Variants in ALDH1A3 observed in about 807,000 individuals in gnomAD.
The protein encoded by ALDH1A3 is retinaldehyde dehydrogenase 3.
In ALDH1A3, 28 loss-of-function variants were observed where a neutral mutation model predicts 57.5. The observed-to-expected ratio is 0.49, with a 90% confidence interval of 0.36 to 0.67. The LOEUF (loss-of-function observed/expected upper bound fraction) is 0.67, where lower values mean the gene tolerates loss of function less well. ALDH1A3 is among the 30% of genes least tolerant of loss of function. ALDH1A3 has a pLI of 0.00. For missense variants in ALDH1A3, 507 were observed against 669.4 expected (o/e 0.76, Z 2.68); for synonymous variants, 281 against 264.8 (o/e 1.06, Z -0.59).
At chr15:100,891,869 C>A (rs1423732038) in intron 3 of ALDH1A3, among the ~76,000 whole-genome samples, 5 of 152,372 alleles carry the variant, frequency 3.3e-5, no homozygotes, top group African/African-American at 1.2e-4. Flanking sequence ...CCTGGGTAAT[C>A]ACCTCCCTCA....
chr15:100,889,429 C>T lies in ALDH1A3; in HGVS notation c.345+1717C>T, dbSNP rs1038305935. On this transcript the variant is annotated intron_variant, in intron 3 of 12. Coordinates refer to ENST00000329841, the MANE Select transcript of ALDH1A3 (RefSeq NM_000693.4). This position sits in a 1 kb window ranked among gnomAD's most constrained non-coding sequence, Gnocchi z 5.1. ...CAGCCCGGCCAGTCCACATGTTCCCCGGGTGAGAGTAGCTCCCTCCCAGGG... is the reference window on the plus strand; with the variant it reads ...CAGCCCGGCCAGTCCACATGTTCCCTGGGTGAGAGTAGCTCCCTCCCAGGG... 6.6e-6 allele frequency among the ~76,000 whole-genome samples: 1 copy of T among 152,174 alleles called. No individual in the cohort carries two copies. Among genetic ancestry groups the T allele is most frequent in the African/African-American group, 2.4e-5 (1 of 41,434 alleles).
In ALDH1A3 at chr15:100,909,586, G is replaced by C. The variant is rs1179731486; in HGVS notation, c.1466+1104G>C. On this transcript the variant is annotated intron_variant, in intron 12 of 12. Coordinates refer to ENST00000329841, the MANE Select transcript of ALDH1A3 (RefSeq NM_000693.4). ...ACCCACTGCAAACCCCTTCGTGTGT[G>C]TGCAAACCCACTGCAAACCCCTCCA... Among the ~76,000 whole-genome samples the C allele has an allele frequency of 2.0e-5, 3 of 151,102 alleles. No individual in the cohort carries two copies. The South Asian group carries it at 6.3e-4, about 32-fold the overall frequency.
In ALDH1A3 at chr15:100,887,851, C is replaced by T; in HGVS notation, c.345+139C>T. The T allele has an allele frequency of 9.3e-7, 1 of 1,078,368 alleles. No individual in the cohort carries two copies. Among genetic ancestry groups the T allele is most frequent in the Non-Finnish European group, 1.3e-6 (1 of 797,368 alleles). 66.8% of individuals were successfully genotyped at this position (1,078,368 alleles called of 1,614,324 possible). A position where few individuals can be genotyped will look rare whatever the true frequency, so the allele number is the denominator to read the frequency against. On this transcript the variant is annotated intron_variant, in intron 3 of 12. Transcript: ENST00000329841. This position sits in a 1 kb window ranked among gnomAD's most constrained non-coding sequence, Gnocchi z 4.6. Reference sequence around the variant, plus strand: ...CTGTTCCATCCTCTGAGACACGGCTCTCTGGCAATACTTGCAGGTGTTAAT... The same window carrying T: ...CTGTTCCATCCTCTGAGACACGGCTTTCTGGCAATACTTGCAGGTGTTAAT...
chr15:100,904,611 A>G (rs2041803887), intron 9 of ALDH1A3, among the ~76,000 whole-genome samples: 1 of 152,192 alleles, frequency 6.6e-6, no homozygotes, highest in Non-Finnish European at 1.5e-5. Context: ...ATGATAAAGG[A>G]CAAGATTCCC....
rs746912683 is a variant in ALDH1A3 at position 100,892,645 on chromosome 15, C to G, written c.475+6C>G. On this transcript the variant is annotated splice_donor_region_variant and intron_variant, in intron 4 of 12. Coordinates refer to ENST00000329841, the MANE Select transcript of ALDH1A3 (RefSeq NM_000693.4). ...GGGCAAGACCATCCCCACAGGTGAG[C>G]AAGGTGGATTATAGCTTCATTTGGG... 1 of 1,603,944 alleles carries G rather than the reference C, an allele frequency of 6.2e-7. No homozygotes were observed. Among genetic ancestry groups the G allele is most frequent in the East Asian group, 2.2e-5 (1 of 44,776 alleles).
chr15:100,897,203 C>T (rs2041713595), intron 7 of ALDH1A3, among the ~76,000 whole-genome samples: 1 of 152,212 alleles, frequency 6.6e-6, no homozygotes, highest in African/African-American at 2.4e-5. Context: ...AGCCATCACC[C>T]ATGAGCTTGC....
Position 100,900,714 on chromosome 15 carries a change from G to T in ALDH1A3, c.1023G>T (p.Arg341=). 6.2e-7 allele frequency: 1 copy of T among 1,614,080 alleles called. No individual in the cohort carries two copies. The highest frequency in any genetic ancestry group is 1.6e-4 in the Middle Eastern group (1 of 6,062). ...GGAGCGTGGAGTATGCCAAGAAACG[G>T]CCCGTGGGAGACCCCTTCGATGTCA... ...VRRSVEYAKK[R]PVGDPFDVKT... is the part of the protein sequence containing the mutation. The change falls in exon 9 of 13, where the codon CGG becomes CGT. Residue 341 remains arginine (R), a synonymous_variant. Transcript: ENST00000329841.
rs2041631792 is a variant in ALDH1A3, at chr15:100,889,845, A to G, written c.345+2133A>G. 6.6e-6 allele frequency among the ~76,000 whole-genome samples: 1 copy of G among 152,190 alleles called. No homozygotes were observed. Among genetic ancestry groups the G allele is most frequent in the South Asian group, 2.1e-4 (1 of 4,824 alleles). On this transcript the variant is annotated intron_variant, in intron 3 of 12. Transcript: ENST00000329841. This position sits in a 1 kb window ranked among gnomAD's most constrained non-coding sequence, Gnocchi z 5.1. ...ATAAGATCCAGCTCTTTGCCACAAC[A>G]TGAAAGGGACAAGAGAATTACTGGC...
intron 9 of ALDH1A3, among the ~76,000 whole-genome samples, chr15:100,902,884 C>T (rs1344450114): frequency 6.6e-6 from 1 of 152,230 alleles, no homozygotes; most frequent in Non-Finnish European, 1.5e-5. Flanking sequence ...TGCCAGATGG[C>T]ATATGCCCAG....
chr15:100,905,084 T>C (rs1469629163), intron 9 of ALDH1A3, among the ~76,000 whole-genome samples: 1 of 152,184 alleles, frequency 6.6e-6, no homozygotes, highest in Non-Finnish European at 1.5e-5. Flanking sequence ...CCAAATATTG[T>C]TTTGGGACAT....
In ALDH1A3 at chr15:100,892,631, TC is replaced by T; in HGVS notation, c.471del (p.Thr158GlnfsTer28). 6.2e-7 allele frequency: 1 copy of T among 1,609,970 alleles called. No individual in the cohort carries two copies. Among genetic ancestry groups the T allele is most frequent in the Non-Finnish European group, 8.5e-7 (1 of 1,178,852 alleles). On this transcript the variant is annotated frameshift_variant, in exon 4 of 13. Coordinates refer to ENST00000329841, the MANE Select transcript of ALDH1A3 (RefSeq NM_000693.4). LOFTEE classifies it high-confidence loss of function. Reference sequence around the variant, plus strand: ...GCAGACAAAATCCAGGGCAAGACCATCCCCACAGGTGAGCAAGGTGGATTAT... The same window carrying T: ...GCAGACAAAATCCAGGGCAAGACCATCCCACAGGTGAGCAAGGTGGATTAT... ...GWADKIQGKT[I>X]PTDDNVVCFT...
Position 100,893,682 on chromosome 15 carries a change from G to A in ALDH1A3, c.538-272G>A. ...AAAGTGCCCATGGAGGCAGGGAGGA[G>A]GACACGTCTTCAGCAGATGTTTTAG... On this transcript the variant is annotated intron_variant, in intron 5 of 12. Transcript: ENST00000329841. This position sits in a 1 kb window ranked among gnomAD's most constrained non-coding sequence, Gnocchi z 4.8. The A allele has an allele frequency of 3.0e-6, 1 of 334,296 alleles. No homozygotes were observed. The highest frequency in any genetic ancestry group is 9.1e-5 in the South Asian group (1 of 11,018). 20.7% of individuals were successfully genotyped at this position (334,296 alleles called of 1,614,324 possible).
At chr15:100,897,691 G>A (rs533994645) in intron 7 of ALDH1A3, among the ~76,000 whole-genome samples, 3 of 152,376 alleles carry the variant, frequency 2.0e-5, no homozygotes, top group Non-Finnish European at 4.4e-5. Context: ...GCTGTTTCTA[G>A]TGAGAGGTAG....
chr15:100,908,297 CAA>C, intron 11 of ALDH1A3, 109 bp from the exon 12 acceptor site: 1 of 875,556 alleles, frequency 1.1e-6, no homozygotes, highest in South Asian at 1.6e-5. Flanking sequence ...GAAGCTTTGG[CAA>C]AAGACTGTTT....
rs143278553 is a variant in ALDH1A3 at position 100,898,175 on chromosome 15, G to A, written c.873G>A (p.Ala291=). 41 of 1,613,656 alleles carry A rather than the reference G, an allele frequency of 2.5e-5. No homozygotes were observed. The highest frequency in any genetic ancestry group is 1.5e-4 in the Admixed American group (9 of 59,988). ...GGAAGAACCCCTGCATCGTGTGTGC[G>A]GACGCTGACTGTGAGTCTCTGCCCT... The part of the protein sequence containing the change: ...LGGKNPCIVC[A]DADLDLAVEC... The change falls in exon 8 of 13, where the codon GCG becomes GCA. Residue 291 remains alanine (A), a synonymous_variant. Transcript: ENST00000329841.
chr15:100,893,805 G>A lies in ALDH1A3; in HGVS notation c.538-149G>A, dbSNP rs2041674852. 6.5e-6 allele frequency: 7 copies of A among 1,075,908 alleles called. No homozygotes were observed. Among genetic ancestry groups the A allele is most frequent in the Non-Finnish European group, 2.6e-6 (2 of 755,522 alleles). 66.6% of individuals were successfully genotyped at this position (1,075,908 alleles called of 1,614,324 possible). A position where few individuals can be genotyped will look rare whatever the true frequency, so the allele number is the denominator to read the frequency against. ...TTAGGAAGTGCTGTGCAGGATTGCA[G>A]TTCTGATCATTGCACACTCCTATGT... On this transcript the variant is annotated intron_variant, in intron 5 of 12. Transcript: ENST00000329841. This position sits in a 1 kb window ranked among gnomAD's most constrained non-coding sequence, Gnocchi z 4.8.
In ALDH1A3 at chr15:100,890,947, T is replaced by C. The variant is rs545605089; in HGVS notation, c.346-1563T>C. On this transcript the variant is annotated intron_variant, in intron 3 of 12. Coordinates refer to ENST00000329841, the MANE Select transcript of ALDH1A3 (RefSeq NM_000693.4). ...CACTAGAGTATACTTGATGTCACAC[T>C]GGCCTGACTCAGTCCCTGAGTGGCA... is the stretch of plus-strand genomic sequence containing the variant. Among the ~76,000 whole-genome samples the C allele has an allele frequency of 5.3e-5, 8 of 152,342 alleles. 1 individual carries two copies. The South Asian group carries it at 1.7e-3, about 32-fold the overall frequency.
At chr15:100,892,336 A>T (rs2041658615) in intron 3 of ALDH1A3, 174 bp from the exon 4 acceptor site, 5 of 809,912 alleles carry the variant, frequency 6.2e-6, no homozygotes, top group Non-Finnish European at 9.4e-6. Flanking sequence ...ACACTCAGAG[A>T]CAGGCCTCGC....
intron 8 of ALDH1A3, among the ~76,000 whole-genome samples, chr15:100,899,391 C>T (rs115022012): frequency 1.2e-3 from 178 of 152,288 alleles, no homozygotes; most frequent in African/African-American, 4.0e-3. Context: ...CATCTTCCTC[C>T]TCTTGGGGAG....
Sources: gnomAD v4.1 joint callset for allele counts (sites outside exome capture counted in the v4.1 genomes callset) on GRCh38, gnomAD v4.1.1 for gene constraint, Gnocchi (gnomAD v3.1) non-coding constraint, MANE v1.5 for transcripts, NCBI Gene and HGNC (gene_info 2026-07-23, HGNC 2026-07-21) for gene names.